Variants in SNX4 observed in about 807,000 individuals in gnomAD.
SNX4 encodes the protein sorting nexin 4, also known as sorting nexin-4.
SNX4 carries 49 observed loss-of-function variants against 70.8 expected under a neutral mutation model. That is an observed-to-expected ratio of 0.69 (90% CI 0.55 to 0.88). SNX4 has a LOEUF of 0.88. Ranked by LOEUF, SNX4 falls within the 40% of genes least tolerant of loss-of-function variation. The probability of loss-of-function intolerance (pLI) is 0.00; values close to 1 mark genes in which losing one functional copy is unlikely to be tolerated. For synonymous variants in SNX4, 206 were observed against 183.8 expected, an observed-to-expected ratio of 1.12 and a Z score of -0.98; for missense variants, 528 against 544.8, an observed-to-expected ratio of 0.97 and a Z score of 0.31.
chr3:125,511,232 T>G (rs538156806), intron 1 of SNX4, among the ~76,000 whole-genome samples: 1 of 152,352 alleles, frequency 6.6e-6, no homozygotes, highest in Non-Finnish European at 1.5e-5. Flanking sequence ...TTTTTTAAAC[T>G]GAAGAATAAA....
intron 10 of SNX4, among the ~76,000 whole-genome samples, chr3:125,459,161 G>A (rs1933810694): frequency 6.6e-6 from 1 of 151,996 alleles, no homozygotes; most frequent in Admixed American, 6.6e-5. Context: ...GCAACAGAGT[G>A]AAACTCCAAC....
rs778009746 is a variant in SNX4 at position 125,497,384 on chromosome 3, C to T, written c.554G>A (p.Gly185Asp). The change falls in exon 5 of 14, where the codon GGT becomes GAT. Residue 185 changes from glycine (G) to aspartate (D), a missense_variant. By Grantham distance (94) the Gly-to-Asp change is moderately conservative (BLOSUM62 -1). This residue lies in a region of SNX4 where 341 missense variants were observed against 312.2 expected (regional missense o/e 1.09). Transcript: ENST00000251775. ...TTCATTCACAGTCTCCTTCCAGTTA[C>T]CTTCCTAAAAATTGAAGTTAATTTT... The part of the protein sequence containing the change: ...KIFYLFLTQE[G>D]NWKETVNETG... 3 of 1,595,040 alleles carry T rather than the reference C, an allele frequency of 1.9e-6. No individual in the cohort carries two copies. In the South Asian group the frequency reaches 3.3e-5, roughly 18 times the overall value.
intron 5 of SNX4, among the ~76,000 whole-genome samples, chr3:125,496,069 C>A (rs1227433284): frequency 1.3e-5 from 2 of 152,106 alleles, no homozygotes; most frequent in East Asian, 3.9e-4. Context: ...GAGAGAGAAT[C>A]GATTGAGCCC....
chr3:125,460,198 CAAAAA>C (rs57601494), intron 10 of SNX4, among the ~76,000 whole-genome samples: 1 of 64,692 alleles, frequency 1.5e-5, no homozygotes, highest in Non-Finnish European at 3.7e-5. Flanking sequence ...TAGTCTGTCT[CAAAAA>C]AAAAAAAAAA....
chr3:125,520,150 G>A lies in SNX4; in HGVS notation c.23C>T (p.Pro8Leu), dbSNP rs761500946. Residue 8 changes from proline to leucine, a missense_variant, in exon 1 of 14, where the codon CCC becomes CTC. Physicochemically the swap from Pro to Leu is moderately conservative, Grantham distance 98 (BLOSUM62 -3). Transcript: ENST00000251775. MEQAPPD[P>L]ERQLQPAPLE... Reference sequence around the variant, plus strand: ...GGGCGCCGGCTGGAGCTGCCGCTCGGGGTCCGGAGGTGCCTGCTCCATGGC... The same window carrying A: ...GGGCGCCGGCTGGAGCTGCCGCTCGAGGTCCGGAGGTGCCTGCTCCATGGC... 89 of 1,434,464 alleles carry A rather than the reference G, an allele frequency of 6.2e-5. 1 individual carries two copies. The South Asian group carries it at 1.1e-3, about 18-fold the overall frequency. 88.9% of individuals were successfully genotyped at this position (1,434,464 alleles called of 1,614,324 possible).
chr3:125,510,384 C>T (rs1158946880), intron 1 of SNX4, among the ~76,000 whole-genome samples: 1 of 152,034 alleles, frequency 6.6e-6, no homozygotes, highest in Non-Finnish European at 1.5e-5. Context: ...GCGCCCGCCA[C>T]ACGCCCGGCT....
Position 125,447,521 on chromosome 3 carries a change from C to T in SNX4, c.*258G>A. On this transcript the variant is annotated 3_prime_UTR_variant, in exon 14 of 14. Coordinates refer to ENST00000251775, the MANE Select transcript of SNX4 (RefSeq NM_003794.4). ...GTCATTGGTTCAGAAGCGTGACAAA[C>T]AATCTGTTGGTATATATTATTAAAT... 3.2e-6 allele frequency: 1 copy of T among 308,562 alleles called. No individual in the cohort carries two copies. Among genetic ancestry groups the T allele is most frequent in the Non-Finnish European group, 5.8e-6 (1 of 171,708 alleles). The allele number at this position is 308,562 out of a possible 1,614,324, so 19.1% of individuals were successfully genotyped here. A position where few individuals can be genotyped will look rare whatever the true frequency, so the allele number is the denominator to read the frequency against.
At chr3:125,478,962 A>G (rs931004518) in intron 7 of SNX4, among the ~76,000 whole-genome samples, 1 of 152,228 alleles carries the variant, frequency 6.6e-6, no homozygotes, top group Admixed American at 6.5e-5. Flanking sequence ...TTTTATGAGA[A>G]GGTATCTTAT....
intron 7 of SNX4, among the ~76,000 whole-genome samples, chr3:125,477,241 C>T (rs6772630): frequency 6.6e-6 from 1 of 151,910 alleles, no homozygotes; most frequent in Non-Finnish European, 1.5e-5. Context: ...ACCAAGGGAA[C>T]GGATACATTT....
chr3:125,498,231 A>G (rs770429705), intron 2 of SNX4, 37 bp from the exon 3 acceptor site: 2 of 1,566,486 alleles, frequency 1.3e-6, no homozygotes, highest in Admixed American at 1.8e-5. Context: ...TATTTTTTAT[A>G]AACAAAAATA....
At chr3:125,472,225 T>G (rs1372087643) in intron 8 of SNX4, among the ~76,000 whole-genome samples, 1 of 152,342 alleles carries the variant, frequency 6.6e-6, no homozygotes, top group East Asian at 1.9e-4. Flanking sequence ...TAAAACCAGC[T>G]TTGTATTTCT....
chr3:125,470,360 G>A (rs1176552540), intron 8 of SNX4, among the ~76,000 whole-genome samples: 1 of 151,636 alleles, frequency 6.6e-6, no homozygotes, highest in African/African-American at 2.4e-5. Flanking sequence ...GGCTATACAG[G>A]TTGTTTCCAA....
chr3:125,516,579 G>A (rs1387141335), intron 1 of SNX4, among the ~76,000 whole-genome samples: 2 of 152,148 alleles, frequency 1.3e-5, no homozygotes, highest in Admixed American at 6.5e-5. Flanking sequence ...AGCGGCTCAC[G>A]CCTGTAATCC....
At chr3:125,494,234 C>T (rs972815970) in intron 5 of SNX4, among the ~76,000 whole-genome samples, 25 of 152,024 alleles carry the variant, frequency 1.6e-4, no homozygotes, top group Admixed American at 4.6e-4. Flanking sequence ...AAGCTTTCAA[C>T]ACTTCCTTTA....
At chr3:125,493,388 T>A (rs1934704391) in intron 5 of SNX4, among the ~76,000 whole-genome samples, 1 of 152,140 alleles carries the variant, frequency 6.6e-6, no homozygotes, top group South Asian at 2.1e-4. Context: ...GCGTGGTGGC[T>A]CACACCTGTA....
intron 1 of SNX4, among the ~76,000 whole-genome samples, chr3:125,513,574 C>T (rs1935213989): frequency 6.6e-6 from 1 of 152,118 alleles, no homozygotes; most frequent in South Asian, 2.1e-4. Flanking sequence ...AATGTACAAA[C>T]ACTGAAAAAA....
chr3:125,471,344 CAAAAAAA>C (rs767432586), intron 8 of SNX4, among the ~76,000 whole-genome samples: 594 of 28,082 alleles, frequency 0.021, 4 homozygotes, highest in African/African-American at 0.1. Context: ...AGCTCCATCT[CAAAAAAA>C]AAAAAAAAAA....
At chr3:125,451,069 C>T (rs1933558957) in intron 13 of SNX4, among the ~76,000 whole-genome samples, 1 of 152,056 alleles carries the variant, frequency 6.6e-6, no homozygotes, top group Non-Finnish European at 1.5e-5. Context: ...AGTTCGAGAC[C>T]AGCCTGGGCA....
Position 125,460,867 on chromosome 3 carries a change from T to TAAAAA in SNX4, c.855-12_855-8dup. 9.4e-7 allele frequency: 1 copy of TAAAAA among 1,065,700 alleles called. No individual in the cohort carries two copies. The allele number at this position is 1,065,700 out of a possible 1,614,324, so 66.0% of individuals were successfully genotyped here. On this transcript the variant is annotated splice_polypyrimidine_tract_variant and splice_region_variant and intron_variant, in intron 9 of 13. Coordinates refer to ENST00000251775, the MANE Select transcript of SNX4 (RefSeq NM_003794.4). Reference sequence around the variant, plus strand: ...ATCAATAGAAGATGCATACCTGTTTTAAAAAAAAAAACACACATTGCATAG... The same window carrying TAAAAA: ...ATCAATAGAAGATGCATACCTGTTTTAAAAAAAAAAAAAAAACACACATTGCATAG...
Sources: allele counts gnomAD v4.1 joint callset (sites outside exome capture counted in the v4.1 genomes callset), GRCh38; gene constraint gnomAD v4.1.1; regional missense constraint gnomAD v4.1.1; transcripts MANE v1.5; gene names NCBI Gene and HGNC (gene_info 2026-07-23, HGNC 2026-07-21).